Variants in RS1 observed in about 807,000 individuals in gnomAD.
The protein encoded by RS1 is retinoschisin 1.
In RS1, 2 loss-of-function variants were observed where a neutral mutation model predicts 20.8. The ratio of observed to expected loss-of-function variants is 0.10; its 90% CI spans 0.04 to 0.30. The LOEUF (loss-of-function observed/expected upper bound fraction) is 0.30, where lower values mean the gene tolerates loss of function less well. Among genes scored for constraint, RS1 ranks in the 10% least tolerant of loss-of-function variants. RS1 has a pLI of 1.00. For missense variants in RS1, 151 were observed against 189.8 expected (o/e 0.80, Z 1.20); for synonymous variants, 70 against 75.8 (o/e 0.92, Z 0.40).
intron 1 of RS1, 125 bp downstream of exon 1, chrX:18,671,888 TGTTA>T (rs749064492): frequency 5.8e-5 from 35 of 602,181 alleles, no homozygotes; most frequent in South Asian, 1.3e-4. Flanking sequence ...TAATAACACA[TGTTA>T]GTTAATTAAC....
intron 3 of RS1, among the ~76,000 whole-genome samples, chrX:18,654,312 GC>G (rs370945110): frequency 1.8e-5 from 2 of 109,432 alleles, no homozygotes; most frequent in East Asian, 5.8e-4. Flanking sequence ...ATGCCACCGT[GC>G]CCCCCCCATC....
chrX:18,670,404 T>G (rs1051160814), intron 1 of RS1, among the ~76,000 whole-genome samples: 9 of 109,692 alleles, frequency 8.2e-5, no homozygotes, highest in African/African-American at 1.7e-4. Context: ...CTTTTTGTAT[T>G]TTTGTAGAGA....
intron 3 of RS1, chrX:18,650,629 G>A: frequency 8.4e-7 from 1 of 1,193,090 alleles, no homozygotes. Flanking sequence ...GCTCAGCCTG[G>A]GCTGTACCTC....
chrX:18,665,883 CAAAAAAAAAA>C (rs55857132), intron 1 of RS1, among the ~76,000 whole-genome samples: 2 of 34,866 alleles, frequency 5.7e-5, no homozygotes, highest in Non-Finnish European at 1.0e-4. Context: ...GACCCTGTCT[CAAAAAAAAAA>C]AAAAAAAAAA....
At chrX:18,653,530 C>T (rs2147201323) in intron 3 of RS1, 2 of 1,212,027 alleles carry the variant, frequency 1.7e-6, no homozygotes, top group East Asian at 5.9e-5. Context: ...GAATGCGGCA[C>T]TGACGGGCAA....
At chrX:18,654,218 G>A (rs1928169629) in intron 3 of RS1, among the ~76,000 whole-genome samples, 1 of 101,655 alleles carries the variant, frequency 9.8e-6, no homozygotes, top group Non-Finnish European at 2.0e-5. Flanking sequence ...GCAGTGATAC[G>A]ACTATGGCTC....
intron 3 of RS1, among the ~76,000 whole-genome samples, chrX:18,651,767 A>G (rs1283880084): frequency 9.0e-6 from 1 of 111,729 alleles, no homozygotes; most frequent in Non-Finnish European, 1.9e-5. Flanking sequence ...AAAAATAGAA[A>G]ATGTGACATT....
At chrX:18,662,879 G>A (rs1273498908) in intron 1 of RS1, among the ~76,000 whole-genome samples, 1 of 110,298 alleles carries the variant, frequency 9.1e-6, no homozygotes. Context: ...CGCCCACCTC[G>A]GCCTCCCAAA....
At chrX:18,651,785 C>G (rs756151995) in intron 3 of RS1, among the ~76,000 whole-genome samples, 1 of 112,195 alleles carries the variant, frequency 8.9e-6, no homozygotes, top group Non-Finnish European at 1.9e-5. Context: ...ATTTCCCACA[C>G]TGTGTGTGTC....
intron 3 of RS1, among the ~76,000 whole-genome samples, chrX:18,650,881 G>A (rs1399702783): frequency 1.8e-5 from 2 of 112,423 alleles, no homozygotes; most frequent in Non-Finnish European, 3.8e-5. Flanking sequence ...GGGGCATGAT[G>A]TAGTACCTGT....
At chrX:18,662,688 C>T (rs184394720) in intron 1 of RS1, among the ~76,000 whole-genome samples, 145 of 104,752 alleles carry the variant, frequency 1.4e-3, no homozygotes, top group African/African-American at 4.9e-3. Flanking sequence ...AGTGCAGTGG[C>T]GCGATCTTGG....
chrX:18,651,262 TGTGAGAGAGAGA>T (rs1176762906), intron 3 of RS1, among the ~76,000 whole-genome samples: 1 of 77,732 alleles, frequency 1.3e-5, no homozygotes, highest in Admixed American at 1.4e-4. Context: ...TGTGTGTGTG[TGTGAGAGAGAGA>T]GAGAGAGAGA....
At chrX:18,669,787 C>T (rs1318104822) in intron 1 of RS1, among the ~76,000 whole-genome samples, 1 of 112,206 alleles carries the variant, frequency 8.9e-6, no homozygotes, top group Non-Finnish European at 1.9e-5. Context: ...CCTGGAGCAT[C>T]CCTCTGGCCC....
chrX:18,657,217 C>CTTTTTTTTTTTT lies in RS1; in HGVS notation c.78+411_78+422dup, dbSNP rs749358875. ...ACAGTCACCATCACCAAAAAAAATACTTTTTTTTTTTTTTTTTTTTTGAGA... is the reference window on the plus strand; with the variant it reads ...ACAGTCACCATCACCAAAAAAAATACTTTTTTTTTTTTTTTTTTTTTTTTTTTTTTTTTGAGA... On this transcript the variant is annotated intron_variant, in intron 2 of 5. Transcript: ENST00000379984. Among the ~76,000 whole-genome samples the CTTTTTTTTTTTT allele has an allele frequency of 6.8e-4, 44 of 65,137 alleles. 4 individuals are homozygous for CTTTTTTTTTTTT. Among genetic ancestry groups the CTTTTTTTTTTTT allele is most frequent in the South Asian group, 2.9e-3 (3 of 1,052 alleles). 56.6% of individuals were successfully genotyped at this position (65,137 alleles called of 115,157 possible).
Position 18,646,150 on chromosome X carries a change from A to C in RS1, c.326+1041T>G, listed in dbSNP as rs1927765460. ...ATAACGACCCTAGACTACTGAATGA[A>C]ACTTTTTTTTTTCCTTTCTGAGACA... is the stretch of plus-strand genomic sequence containing the variant. On this transcript the variant is annotated intron_variant, in intron 4 of 5. Transcript: ENST00000379984. 5.8e-6 allele frequency: 7 copies of C among 1,206,138 alleles called. No individual in the cohort carries two copies. In the South Asian group the frequency reaches 1.1e-4, roughly 18 times the overall value.
chrX:18,646,913 G>A lies in RS1; in HGVS notation c.326+278C>T, dbSNP rs765874842. On this transcript the variant is annotated intron_variant, in intron 4 of 5. Transcript: ENST00000379984. ...TCTGTGTCATTTGTTTATTAGAGAGGCCTATATTTTTTTTCATTTTTGAGA... is the reference window on the plus strand; with the variant it reads ...TCTGTGTCATTTGTTTATTAGAGAGACCTATATTTTTTTTCATTTTTGAGA... Among the ~76,000 whole-genome samples the A allele has an allele frequency of 4.5e-5, 5 of 110,982 alleles. No homozygotes were observed. The South Asian group carries it at 1.9e-3, about 43-fold the overall frequency.
chrX:18,640,315 G>A lies in RS1; in HGVS notation c.*1689C>T, dbSNP rs1722016065. The A allele has an allele frequency of 9.1e-6, 1 of 109,553 alleles. No homozygotes were observed. The highest frequency in any genetic ancestry group is 9.9e-5 in the Admixed American group (1 of 10,143). The allele number at this position is 109,553 out of a possible 1,213,427, so 9.0% of individuals were successfully genotyped here. A position where few individuals can be genotyped will look rare whatever the true frequency, so the allele number is the denominator to read the frequency against. On this transcript the variant is annotated 3_prime_UTR_variant, in exon 6 of 6. Coordinates refer to ENST00000379984, the MANE Select transcript of RS1 (RefSeq NM_000330.4). ...TTAACTCTTAGGATACTGCCATTTTGTCTGACAGTCCATGTCGTGACCAAA... is the reference window on the plus strand; with the variant it reads ...TTAACTCTTAGGATACTGCCATTTTATCTGACAGTCCATGTCGTGACCAAA...
rs747107504 is a variant in RS1, at chrX:18,657,643, G to A, written c.75C>T (p.Thr25=). The change falls in exon 2 of 6, where the codon ACC becomes ACT. Residue 25 remains threonine, a synonymous_variant. Transcript: ENST00000379984. ...GYEATLGLSS[T]EDEGEDPWYQ... ...CAGCCTTCTTACTGTTACATACCTC[G>A]GTAGACGATAATCCCAATGTGGCTA... 51 of 1,198,216 alleles carry A rather than the reference G, an allele frequency of 4.3e-5. No individual in the cohort carries two copies. Among genetic ancestry groups the A allele is most frequent in the Non-Finnish European group, 5.1e-5 (45 of 884,789 alleles).
At chrX:18,653,611 C>T in intron 3 of RS1, 1 of 1,138,579 alleles carries the variant, frequency 8.8e-7, no homozygotes, top group African/African-American at 1.8e-5. Context: ...CCAATTAACA[C>T]CAATGAATCA....
Sources: gnomAD v4.1 joint callset for allele counts (sites outside exome capture counted in the v4.1 genomes callset) on GRCh38, gnomAD v4.1.1 for gene constraint, MANE v1.5 for transcripts, NCBI Gene and HGNC (gene_info 2026-07-23, HGNC 2026-07-21) for gene names.